RGS6: variants seen among roughly 807,000 people sequenced by gnomAD.
RGS6 encodes regulator of G-protein signaling 6.
Under a neutral mutation model 78.5 loss-of-function variants are expected in RGS6, and 30 were observed. That is an observed-to-expected ratio of 0.38 (90% CI 0.29 to 0.52). RGS6 has a LOEUF of 0.52. Among genes scored for constraint, RGS6 ranks in the 20% least tolerant of loss-of-function variants. RGS6 has a pLI of 0.85. For synonymous variants in RGS6, 206 were observed against 206.0 expected (o/e 1.00, Z 0.00); for missense variants, 495 against 609.7 (o/e 0.81, Z 1.98).
intron 2 of RGS6, among the ~76,000 whole-genome samples, chr14:72,082,845 G>A (rs531280204): frequency 1.3e-5 from 2 of 152,064 alleles, no homozygotes; most frequent in East Asian, 3.9e-4. Flanking sequence ...AATGCAATAG[G>A]GATACTACAT....
At chr14:72,483,983 A>G (rs940302706) in intron 12 of RGS6, among the ~76,000 whole-genome samples, 1 of 150,466 alleles carries the variant, frequency 6.6e-6, no homozygotes, top group Non-Finnish European at 1.5e-5. Flanking sequence ...AAAAAAAGCT[A>G]GATTAATTAA....
chr14:72,298,683 C>T (rs950854734), intron 2 of RGS6, among the ~76,000 whole-genome samples: 4 of 152,000 alleles, frequency 2.6e-5, no homozygotes, highest in East Asian at 1.9e-4. Flanking sequence ...CTCCTGACCT[C>T]GTGGTCCACC....
intron 2 of RGS6, among the ~76,000 whole-genome samples, chr14:72,300,624 C>T (rs992355424): frequency 6.6e-6 from 1 of 152,166 alleles, no homozygotes; most frequent in Non-Finnish European, 1.5e-5. Context: ...AGTTGTGAAA[C>T]GTCTCGAAAT....
At chr14:72,570,351 C>T (rs1261033990), downstream of RGS6, among the ~76,000 whole-genome samples, 1 of 152,062 alleles carries the variant, frequency 6.6e-6, no homozygotes, top group Non-Finnish European at 1.5e-5. Flanking sequence ...AGTCCTGGAA[C>T]CAACCCCCTA....
chr14:72,384,749 ATTTTTAT>A (rs1395230717), intron 3 of RGS6, among the ~76,000 whole-genome samples: 3 of 151,792 alleles, frequency 2.0e-5, no homozygotes, highest in East Asian at 3.9e-4. Context: ...TATTTTTTTT[ATTTTTAT>A]TTTTTATTTT....
intron 2 of RGS6, among the ~76,000 whole-genome samples, chr14:72,007,890 A>C (rs1248756035): frequency 1.3e-5 from 2 of 152,200 alleles, no homozygotes; most frequent in African/African-American, 4.8e-5. Context: ...CATCAGCTGG[A>C]AAGAAAAGAG....
chr14:72,231,592 C>T (rs896150354), intron 2 of RGS6, among the ~76,000 whole-genome samples: 6 of 152,060 alleles, frequency 3.9e-5, no homozygotes, highest in South Asian at 2.1e-4. Context: ...CAGTGGTAAG[C>T]GTGTTATGAA....
In RGS6 at chr14:72,018,021, A is replaced by G. The variant is rs1258240110; in HGVS notation, c.84+53146A>G. ...CTCCCACTTATAAGTGAGAAAATACAGTGTTTGGTTTTCTTTTCTTGTGTT... is the reference window on the plus strand; with the variant it reads ...CTCCCACTTATAAGTGAGAAAATACGGTGTTTGGTTTTCTTTTCTTGTGTT... On this transcript the variant is annotated intron_variant, in intron 2 of 17. Transcript: ENST00000553525. Among the ~76,000 whole-genome samples the G allele has an allele frequency of 2.0e-5, 3 of 152,126 alleles. No individual in the cohort carries two copies. The East Asian group carries it at 5.8e-4, about 29-fold the overall frequency.
chr14:72,609,794 T>C, the RGS6 span, among the ~76,000 whole-genome samples: 1 of 152,284 alleles, frequency 6.6e-6, no homozygotes, highest in South Asian at 2.1e-4. Flanking sequence ...GGAGATATTG[T>C]CTCAAGACCA....
chr14:72,409,568 TTTATTA>T (rs951944561), intron 3 of RGS6, among the ~76,000 whole-genome samples: 3 of 151,914 alleles, frequency 2.0e-5, no homozygotes, highest in African/African-American at 7.3e-5. Context: ...TTTTTTTAAT[TTTATTA>T]TTATTATACT....
chr14:72,232,323 A>C (rs1195298783), intron 2 of RGS6, among the ~76,000 whole-genome samples: 1 of 152,198 alleles, frequency 6.6e-6, no homozygotes, highest in Non-Finnish European at 1.5e-5. Context: ...GAGAGGGAAG[A>C]TGGTGGAGGA....
intron 2 of RGS6, among the ~76,000 whole-genome samples, chr14:72,018,219 A>G (rs1343175925): frequency 2.6e-5 from 4 of 152,172 alleles, no homozygotes; most frequent in Admixed American, 6.6e-5. Context: ...AAAAAAAATC[A>G]TGATTGAATG....
chr14:72,418,631 G>A (rs1468132686), intron 3 of RGS6, among the ~76,000 whole-genome samples: 1 of 152,194 alleles, frequency 6.6e-6, no homozygotes, highest in Non-Finnish European at 1.5e-5. Flanking sequence ...ATCCACTGCT[G>A]AGCTCTAACC....
chr14:71,962,327 G>A (rs191773882), intron 1 of RGS6, among the ~76,000 whole-genome samples: 12 of 151,992 alleles, frequency 7.9e-5, no homozygotes, highest in East Asian at 1.9e-4. Context: ...GGCCTGACAC[G>A]TTTGTTTCTA....
intron 2 of RGS6, among the ~76,000 whole-genome samples, chr14:71,973,789 GA>G (rs772763416): frequency 1.4e-4 from 22 of 152,080 alleles, no homozygotes; most frequent in African/African-American, 5.1e-4. Context: ...ATTGCCTTAG[GA>G]AAAAACTGTT....
At chr14:72,369,735 T>C (rs2083095819) in intron 3 of RGS6, among the ~76,000 whole-genome samples, 1 of 152,228 alleles carries the variant, frequency 6.6e-6, no homozygotes, top group Admixed American at 6.5e-5. Context: ...CTTAATAAAG[T>C]TATAAATTGT....
intron 1 of RGS6, among the ~76,000 whole-genome samples, chr14:71,940,520 A>C (rs532284140): frequency 2.1e-4 from 32 of 152,316 alleles, no homozygotes; most frequent in Admixed American, 1.2e-3. Context: ...ACTTTTAGGA[A>C]CACCATGATT....
chr14:72,181,450 T>C (rs1021547228), intron 2 of RGS6, among the ~76,000 whole-genome samples: 2 of 152,338 alleles, frequency 1.3e-5, no homozygotes, highest in East Asian at 1.9e-4. Context: ...AGAGAGCAAA[T>C]TGCTTGTTAC....
At chr14:72,538,920 C>T (rs938425717) in intron 16 of RGS6, among the ~76,000 whole-genome samples, 6 of 152,264 alleles carry the variant, frequency 3.9e-5, no homozygotes, top group Non-Finnish European at 8.8e-5. Context: ...GCTTTCAGCA[C>T]AGTCCGCAGA....
Sources: gnomAD v4.1 joint callset for allele counts (sites outside exome capture counted in the v4.1 genomes callset) on GRCh38, gnomAD v4.1.1 for gene constraint, MANE v1.5 for transcripts, NCBI Gene and HGNC (gene_info 2026-07-23, HGNC 2026-07-21) for gene names.